Variants in SLC22A23 observed in about 807,000 individuals in gnomAD.
The protein encoded by SLC22A23 is solute carrier family 22 member 23, also known as ion transporter protein.
SLC22A23 carries 26 observed loss-of-function variants against 61.0 expected under a neutral mutation model. The ratio of observed to expected loss-of-function variants is 0.43; its 90% confidence interval spans 0.31 to 0.59. SLC22A23 has a LOEUF of 0.59. Among genes scored for constraint, SLC22A23 ranks in the 20% least tolerant of loss-of-function variants. The pLI is 0.11. For missense variants in SLC22A23, 796 were observed against 934.7 expected (o/e 0.85, Z 1.94); for synonymous variants, 430 against 413.9 (o/e 1.04, Z -0.47).
intron 1 of SLC22A23, among the ~76,000 whole-genome samples, chr6:3,421,362 T>C (rs1770121657): frequency 6.6e-6 from 1 of 152,190 alleles, no homozygotes; most frequent in South Asian, 2.1e-4. Flanking sequence ...CAGAGGTCTC[T>C]ATGCAATGAT....
At position 3,414,302 on chromosome 6, in the gene SLC22A23, G is replaced by A. The variant is rs1385400466; in HGVS notation, c.758+1450C>T. On this transcript the variant is annotated intron_variant, in intron 2 of 9. Coordinates refer to ENST00000406686, the MANE Select transcript of SLC22A23 (RefSeq NM_015482.2). The surrounding 1 kb of genome is among the most constrained non-coding windows in gnomAD (Gnocchi z 5.1). ...AAACGGTATATTTTAGACCAATATAGCCCACACTAGAAACCTATGAACTCA... is the reference window on the plus strand; with the variant it reads ...AAACGGTATATTTTAGACCAATATAACCCACACTAGAAACCTATGAACTCA... Among the ~76,000 whole-genome samples the A allele has an allele frequency of 6.6e-6, 1 of 151,898 alleles. No individual in the cohort carries two copies. Among genetic ancestry groups the A allele is most frequent in the Non-Finnish European group, 1.5e-5 (1 of 68,006 alleles).
rs1377434349 is a variant in SLC22A23, at chr6:3,304,315, AT to A, written c.1083-6098del. On this transcript the variant is annotated intron_variant, in intron 4 of 9. Coordinates refer to ENST00000406686, the MANE Select transcript of SLC22A23 (RefSeq NM_015482.2). The surrounding 1 kb of genome is among the most constrained non-coding windows in gnomAD (Gnocchi z 4.3). ...TGGGTCTAAAGGCAACACACTTTGGATACCTAAAAACTGACAACAACCAATA... is the reference window on the plus strand; with the variant it reads ...TGGGTCTAAAGGCAACACACTTTGGAACCTAAAAACTGACAACAACCAATA... Among the ~76,000 whole-genome samples the A allele has an allele frequency of 6.6e-6, 1 of 152,236 alleles. No homozygotes were observed. The highest frequency in any genetic ancestry group is 2.4e-5 in the African/African-American group (1 of 41,452).
At chr6:3,412,562 C>A (rs1318630038) in intron 2 of SLC22A23, among the ~76,000 whole-genome samples, 2 of 152,214 alleles carry the variant, frequency 1.3e-5, no homozygotes, top group Admixed American at 1.3e-4. Context: ...AAGCCACAGT[C>A]CTTGTCCGTA....
chr6:3,371,926 C>T (rs1239034361), intron 3 of SLC22A23, among the ~76,000 whole-genome samples: 1 of 151,922 alleles, frequency 6.6e-6, no homozygotes, highest in African/African-American at 2.4e-5. Flanking sequence ...ATTGTAAGAT[C>T]CTGATTCACA....
intron 4 of SLC22A23, among the ~76,000 whole-genome samples, chr6:3,321,581 A>T (rs755439563): frequency 2.8e-5 from 4 of 145,100 alleles, no homozygotes; most frequent in African/African-American, 2.7e-5. Flanking sequence ...TTCTAAAATT[A>T]AAAAAAAAAC....
chr6:3,285,790 G>A (rs1249166535), intron 7 of SLC22A23, among the ~76,000 whole-genome samples: 8 of 152,220 alleles, frequency 5.3e-5, no homozygotes, highest in African/African-American at 1.4e-4. Context: ...TAGGCTGCAC[G>A]ACAAGGCCGC....
intron 3 of SLC22A23, among the ~76,000 whole-genome samples, chr6:3,353,849 C>T (rs888888877): frequency 6.6e-6 from 1 of 152,194 alleles, no homozygotes; most frequent in Non-Finnish European, 1.5e-5. Flanking sequence ...CAGTGTTTCC[C>T]AGGACCCCAG....
Position 3,455,986 on chromosome 6 carries a change from C to T in SLC22A23, c.574G>A (p.Gly192Arg), listed in dbSNP as rs760338341. 715 of 1,547,504 alleles carry T rather than the reference C, an allele frequency of 4.6e-4. 4 individuals carry two copies. The highest frequency in any genetic ancestry group is 9.8e-5 in the East Asian group (4 of 40,884). ...CAGTCACAGTTGGAGGCGTTGTCCCCCTTGTCCGGAGGGGATGGCAGGGGT... is the reference window on the plus strand; with the variant it reads ...CAGTCACAGTTGGAGGCGTTGTCCCTCTTGTCCGGAGGGGATGGCAGGGGT... Reference protein sequence around the residue: ...TPPLPSPPDKGDNASNCDCRA... With the variant: ...TPPLPSPPDKRDNASNCDCRA... The change falls in exon 1 of 10, where the codon GGG becomes AGG. Residue 192 changes from glycine (G) to arginine (R), a missense_variant. Physicochemically the swap from Gly to Arg is moderately radical, Grantham distance 125. Coordinates refer to ENST00000406686, the MANE Select transcript of SLC22A23 (RefSeq NM_015482.2).
intron 4 of SLC22A23, among the ~76,000 whole-genome samples, chr6:3,300,719 C>T (rs559091648): frequency 6.6e-6 from 1 of 152,214 alleles, no homozygotes; most frequent in Non-Finnish European, 1.5e-5. Flanking sequence ...CTAATAATTA[C>T]TGCCTCCTTC....
At chr6:3,369,321 T>C (rs907370956) in intron 3 of SLC22A23, among the ~76,000 whole-genome samples, 2 of 152,184 alleles carry the variant, frequency 1.3e-5, no homozygotes, top group Non-Finnish European at 2.9e-5. Flanking sequence ...CTCCTTATAA[T>C]TTTTCTCCAA....
intron 3 of SLC22A23, among the ~76,000 whole-genome samples, chr6:3,335,224 G>A (rs1346425621): frequency 6.6e-6 from 1 of 152,220 alleles, no homozygotes; most frequent in Non-Finnish European, 1.5e-5. Flanking sequence ...GGTGGGAGCA[G>A]TAAGAGGTCT....
chr6:3,418,119 C>T (rs1769855782), intron 1 of SLC22A23, among the ~76,000 whole-genome samples: 1 of 152,174 alleles, frequency 6.6e-6, no homozygotes, highest in South Asian at 2.1e-4. Context: ...ACACCTGTAA[C>T]CACTCATCTC....
At chr6:3,430,598 C>T (rs1430580589) in intron 1 of SLC22A23, among the ~76,000 whole-genome samples, 1 of 152,138 alleles carries the variant, frequency 6.6e-6, no homozygotes, top group African/African-American at 2.4e-5. Context: ...AAGTGCTGTC[C>T]TCGCTCTTTA....
rs1306516280 is a variant in SLC22A23 at position 3,432,487 on chromosome 6, G to A, written c.655-16632C>T. 2.4e-5 allele frequency: 17 copies of A among 714,040 alleles called. No homozygotes were observed. The African/African-American group carries it at 2.5e-4, about 11-fold the overall frequency. 44.2% of individuals were successfully genotyped at this position (714,040 alleles called of 1,614,324 possible). A position where few individuals can be genotyped will look rare whatever the true frequency, so the allele number is the denominator to read the frequency against. On this transcript the variant is annotated intron_variant, in intron 1 of 9. Coordinates refer to ENST00000406686, the MANE Select transcript of SLC22A23 (RefSeq NM_015482.2). ...GCAGAGGGAGGACTTCCAGGAACGC[G>A]TCTCCTTCTAGCTCTCCGCTTTGGC...
intron 3 of SLC22A23, among the ~76,000 whole-genome samples, chr6:3,384,878 C>A (rs150801084): frequency 6.6e-6 from 1 of 152,300 alleles, no homozygotes; most frequent in Non-Finnish European, 1.5e-5. Flanking sequence ...GTGGCCTATC[C>A]ATACGATATA....
At chr6:3,449,597 T>C (rs1286288728) in intron 1 of SLC22A23, among the ~76,000 whole-genome samples, 2 of 152,092 alleles carry the variant, frequency 1.3e-5, no homozygotes, top group Non-Finnish European at 1.5e-5. Context: ...ACAAGAGAAA[T>C]GCAAGTCACA....
chr6:3,370,650 A>C (rs1379218519), intron 3 of SLC22A23, among the ~76,000 whole-genome samples: 1 of 152,252 alleles, frequency 6.6e-6, no homozygotes, highest in African/African-American at 2.4e-5. Flanking sequence ...TCAAACTCCA[A>C]GTTGAGCAAG....
intron 3 of SLC22A23, among the ~76,000 whole-genome samples, chr6:3,352,427 GCACAGACACA>G (rs1764829553): frequency 1.3e-5 from 2 of 151,950 alleles, no homozygotes; most frequent in South Asian, 2.1e-4. Context: ...CGGCATGCAT[GCACAGACACA>G]CACAGACACA....
chr6:3,305,255 G>C (rs2127369133), intron 4 of SLC22A23, among the ~76,000 whole-genome samples: 1 of 152,318 alleles, frequency 6.6e-6, no homozygotes, highest in East Asian at 1.9e-4. Context: ...TAATGGCAGA[G>C]CTGGGATCTG....
Sources: allele counts gnomAD v4.1 joint callset (sites outside exome capture counted in the v4.1 genomes callset), GRCh38; gene constraint gnomAD v4.1.1; non-coding constraint Gnocchi (gnomAD v3.1); transcripts MANE v1.5; gene names NCBI Gene and HGNC (gene_info 2026-07-23, HGNC 2026-07-21).